Variants in RESP18 observed in about 807,000 individuals in gnomAD.
RESP18 encodes regulated endocrine specific protein 18.
A neutral mutation model predicts 30.0 loss-of-function variants in RESP18; 30 were observed. The ratio of observed to expected loss-of-function variants is 1.00; its 90% CI spans 0.75 to 1.36. RESP18 has a LOEUF of 1.36. RESP18 is among the 40% of genes most tolerant of loss of function. The probability of loss-of-function intolerance (pLI) is 0.00; values close to 1 mark genes in which losing one functional copy is unlikely to be tolerated. For missense variants in RESP18, 320 were observed against 284.2 expected (o/e 1.13, Z -0.91); for synonymous variants, 117 against 111.2 (o/e 1.05, Z -0.33).
chr2:219,329,873 G>C, intron 3 of RESP18, 109 bp from the exon 3 acceptor site: 2 of 1,126,778 alleles, frequency 1.8e-6, no homozygotes, highest in Non-Finnish European at 1.2e-6. Flanking sequence ...ATTTTACAGA[G>C]AATTAAACAA....
At chr2:219,331,644 GCTT>G (rs1395263844) in intron 2 of RESP18, among the ~76,000 whole-genome samples, 3 of 152,220 alleles carry the variant, frequency 2.0e-5, no homozygotes, top group Non-Finnish European at 4.4e-5. Flanking sequence ...AAGGGAAAGA[GCTT>G]CGGGAAGGGG....
chr2:219,329,228 C>T lies in RESP18; in HGVS notation c.490G>A (p.Asp164Asn), dbSNP rs1471834692. ...ACCACTTCGGAGGTAAAGCACTGATCCCTGTTCACCTTGGCCAGGGGGCTC... is the reference window on the plus strand; with the variant it reads ...ACCACTTCGGAGGTAAAGCACTGATTCCTGTTCACCTTGGCCAGGGGGCTC... The change falls in exon 5 of 7, where the codon GAT becomes AAT. Residue 164 changes from aspartate (D) to asparagine (N), a missense_variant. Asp to Asn is a conservative substitution (Grantham distance 23, BLOSUM62 1). Coordinates refer to ENST00000333527, the MANE Select transcript of RESP18 (RefSeq NM_001007089.4). 5 of 1,551,654 alleles carry T rather than the reference C, an allele frequency of 3.2e-6. No individual in the cohort carries two copies. The highest frequency in any genetic ancestry group is 2.4e-5 in the East Asian group (1 of 40,918).
At chr2:219,330,959 G>A in intron 2 of RESP18, 84 bp from the exon 2 acceptor site, 1 of 790,400 alleles carries the variant, frequency 1.3e-6, no homozygotes, top group Non-Finnish European at 2.2e-6. Context: ...TCCTTGTACT[G>A]TCACTCCTGG....
In RESP18 at chr2:219,332,595, C is replaced by G; in HGVS notation, c.161G>C (p.Gly54Ala). ...CAGGAAGCAGACAAGCAGCTGGAGCCCCTCGGAGCTCCCAGGCCACAGTGG... is the reference window on the plus strand; with the variant it reads ...CAGGAAGCAGACAAGCAGCTGGAGCGCCTCGGAGCTCCCAGGCCACAGTGG... Residue 54 changes from glycine to alanine, a missense_variant, in exon 2 of 7, where the codon GGG becomes GCG. Transcript: ENST00000333527. 1.9e-6 allele frequency: 3 copies of G among 1,551,428 alleles called. No homozygotes were observed. The highest frequency in any genetic ancestry group is 2.6e-6 in the Non-Finnish European group (3 of 1,146,912).
Position 219,328,904 on chromosome 2 carries a change from A to AT in RESP18, c.640+19dup, listed in dbSNP as rs1375241575. On this transcript the variant is annotated intron_variant, in intron 6 of 6. Transcript: ENST00000333527. ...TGAAAACTCTGCTGTTTCAATGCCT[A>AT]TTTTAAACTCAATACTTACGCATGA... 14 of 1,512,136 alleles carry AT rather than the reference A, an allele frequency of 9.3e-6. No homozygotes were observed. Among genetic ancestry groups the AT allele is most frequent in the Non-Finnish European group, 1.3e-5 (14 of 1,112,318 alleles). The allele number at this position is 1,512,136 out of a possible 1,614,324, so 93.7% of individuals were successfully genotyped here. A position where few individuals can be genotyped will look rare whatever the true frequency, so the allele number is the denominator to read the frequency against.
chr2:219,333,116 A>G (rs899385423), intron 1 of RESP18: 1 of 803,598 alleles, frequency 1.2e-6, no homozygotes. Flanking sequence ...TATATATATA[A>G]TATTATATAT....
chr2:219,333,099 CTATATA>C lies in RESP18; in HGVS notation c.17+56_17+61del, dbSNP rs5838736. 1.5e-5 allele frequency: 17 copies of C among 1,145,738 alleles called. No individual in the cohort carries two copies. In the Admixed American group the frequency reaches 2.9e-4, roughly 20 times the overall value. 71.0% of individuals were successfully genotyped at this position (1,145,738 alleles called of 1,614,324 possible). On this transcript the variant is annotated intron_variant, in intron 1 of 6. Coordinates refer to ENST00000333527, the MANE Select transcript of RESP18 (RefSeq NM_001007089.4). ...TTAGAAATCATATAGGTTCGATCTG[CTATATA>C]TATATATATAATATTATATATTATA...
At position 219,329,625 on chromosome 2, in the gene RESP18, C is replaced by T; in HGVS notation, c.465+12G>A. ...GAATGCTTGGAATGACCACAGGCCT[C>T]ATGCACCTCACCTCAGTGGTTTTAG... On this transcript the variant is annotated intron_variant, in intron 4 of 6. Transcript: ENST00000333527. 2.6e-6 allele frequency: 4 copies of T among 1,551,350 alleles called. No individual in the cohort carries two copies. Among genetic ancestry groups the T allele is most frequent in the East Asian group, 2.4e-5 (1 of 40,932 alleles).
chr2:219,332,444 G>A (rs920872010), intron 2 of RESP18, 80 bp downstream of exon 1: 3 of 1,056,958 alleles, frequency 2.8e-6, no homozygotes, highest in Non-Finnish European at 4.1e-6. Context: ...AAGTTTCCTA[G>A]CCTTGAGGCC....
rs1559314649 is a variant in RESP18 at position 219,327,524 on chromosome 2, C to T, written c.680G>A (p.Cys227Tyr). 4.5e-6 allele frequency: 7 copies of T among 1,551,628 alleles called. No homozygotes were observed. The Admixed American group carries it at 9.8e-5, about 22-fold the overall frequency. The change falls in exon 7 of 7, where the codon TGT becomes TAT. Residue 227 changes from cysteine (C) to tyrosine (Y), a missense_variant. Physicochemically the swap from Cys to Tyr is radical, Grantham distance 194. Transcript: ENST00000333527. Reference sequence around the variant, plus strand: ...CTTCACATGAGGTCTCAATCAGCCACAGGGTTGCGGCCCACAGTAGGAAGT... The same window carrying T: ...CTTCACATGAGGTCTCAATCAGCCATAGGGTTGCGGCCCACAGTAGGAAGT...
chr2:219,332,604 CTCCCA>C lies in RESP18; in HGVS notation c.147_151del (p.Gly50LeufsTer24). ...GACAAGCAGCTGGAGCCCCTCGGAG[CTCCCA>C]GGCCACAGTGGGTGCTGTATCCTCC... On this transcript the variant is annotated frameshift_variant, in exon 2 of 7. Transcript: ENST00000333527. LOFTEE classifies it high-confidence loss of function. The C allele has an allele frequency of 3.2e-6, 5 of 1,551,448 alleles. No homozygotes were observed. In the South Asian group the frequency reaches 5.9e-5, roughly 18 times the overall value.
rs1240157836 is a variant in RESP18, at chr2:219,332,588, C to T, written c.168G>A (p.Gln56=). The change falls in exon 2 of 7, where the codon CAG becomes CAA. Residue 56 remains glutamine, a synonymous_variant. Transcript: ENST00000333527. ...TCAGCAGCAGGAAGCAGACAAGCAGCTGGAGCCCCTCGGAGCTCCCAGGCC... is the reference window on the plus strand; with the variant it reads ...TCAGCAGCAGGAAGCAGACAAGCAGTTGGAGCCCCTCGGAGCTCCCAGGCC... The T allele has an allele frequency of 6.4e-7, 1 of 1,551,464 alleles. No individual in the cohort carries two copies. Among genetic ancestry groups the T allele is most frequent in the Non-Finnish European group, 8.7e-7 (1 of 1,146,970 alleles).
chr2:219,327,726 T>A (rs1952788257), intron 6 of RESP18, among the ~76,000 whole-genome samples, 163 bp from the exon 6 acceptor site: 1 of 152,210 alleles, frequency 6.6e-6, no homozygotes, highest in African/African-American at 2.4e-5. Flanking sequence ...GGGTCTCACA[T>A]GTAGCCCTGT....
chr2:219,332,294 A>C (rs957150258), intron 2 of RESP18, among the ~76,000 whole-genome samples: 1 of 151,778 alleles, frequency 6.6e-6, no homozygotes, highest in Non-Finnish European at 1.5e-5. Flanking sequence ...CCTCTTCCCA[A>C]ATCCCCAATT....
In RESP18 at chr2:219,329,235, C is replaced by G; in HGVS notation, c.483G>C (p.Val161=). Residue 161 remains valine, a synonymous_variant, in exon 5 of 7, where the codon GTG becomes GTC. Coordinates refer to ENST00000333527, the MANE Select transcript of RESP18 (RefSeq NM_001007089.4). ...CGGAGGTAAAGCACTGATCCCTGTTCACCTTGGCCAGGGGGCTCTGTGAGG... is the reference window on the plus strand; with the variant it reads ...CGGAGGTAAAGCACTGATCCCTGTTGACCTTGGCCAGGGGGCTCTGTGAGG... 1 of 1,551,686 alleles carries G rather than the reference C, an allele frequency of 6.4e-7. No individual in the cohort carries two copies. Among genetic ancestry groups the G allele is most frequent in the South Asian group, 1.2e-5 (1 of 84,052 alleles).
chr2:219,329,024 A>C lies in RESP18; in HGVS notation c.556-16T>G, dbSNP rs566571867. ...TATAGGTAATCTGAGAGATACAGGA[A>C]ATTAGAAGTACCTTTGATTAGGAAT... On this transcript the variant is annotated splice_polypyrimidine_tract_variant and intron_variant, in intron 5 of 6. Transcript: ENST00000333527. 1.3e-6 allele frequency: 2 copies of C among 1,536,794 alleles called. No individual in the cohort carries two copies. Among genetic ancestry groups the C allele is most frequent in the Admixed American group, 2.0e-5 (1 of 50,912 alleles).
At chr2:219,329,125 A>G (rs1261392699) in intron 5 of RESP18, 38 bp downstream of exon 4, 15 of 1,532,364 alleles carry the variant, frequency 9.8e-6, no homozygotes, top group Non-Finnish European at 1.3e-5. Flanking sequence ...CCCTCATTTA[A>G]ACAGGTCCAA....
intron 1 of RESP18, chr2:219,333,112 T>TA (rs1952852256): frequency 2.3e-5 from 28 of 1,226,114 alleles, no homozygotes; most frequent in Middle Eastern, 4.1e-4. Context: ...TATATATATA[T>TA]ATAATATTAT....
chr2:219,332,794 T>C, intron 1 of RESP18, 50 bp from the exon 1 acceptor site: 1 of 1,384,916 alleles, frequency 7.2e-7, no homozygotes, highest in Non-Finnish European at 9.8e-7. Flanking sequence ...GCCCCTGCGG[T>C]CGCCTCCCCA....
Sources: gnomAD v4.1 joint callset for allele counts (sites outside exome capture counted in the v4.1 genomes callset) on GRCh38, gnomAD v4.1.1 for gene constraint, MANE v1.5 for transcripts, NCBI Gene and HGNC (gene_info 2026-07-23, HGNC 2026-07-21) for gene names.